GRID2: variants seen among roughly 807,000 people sequenced by gnomAD.
GRID2 encodes the protein glutamate ionotropic receptor delta type subunit 2.
GRID2 carries 33 observed loss-of-function variants against 114.8 expected under a neutral mutation model. The observed-to-expected ratio is 0.29, with a 90% CI of 0.22 to 0.38. The LOEUF is 0.38. Ranked by LOEUF, GRID2 falls within the 10% of genes least tolerant of loss-of-function variation. The pLI is 1.00. For synonymous variants in GRID2, 505 were observed against 449.9 expected, an observed-to-expected ratio of 1.12 and a Z score of -1.55; for missense variants, 1,184 against 1,257.7, an observed-to-expected ratio of 0.94 and a Z score of 0.89.
At chr4:92,316,296 C>T (rs1725977412) in intron 1 of GRID2, among the ~76,000 whole-genome samples, 1 of 152,156 alleles carries the variant, frequency 6.6e-6, no homozygotes, top group South Asian at 2.1e-4. Context: ...TTATACATTT[C>T]TTCTTAAATG....
At chr4:92,488,595 T>C (rs1212244498) in intron 1 of GRID2, among the ~76,000 whole-genome samples, 1 of 152,148 alleles carries the variant, frequency 6.6e-6, no homozygotes, top group African/African-American at 2.4e-5. Context: ...AAAATTCCAC[T>C]GCTTCTGAGG....
chr4:93,323,173 G>A (rs1191881618), intron 8 of GRID2, among the ~76,000 whole-genome samples: 1 of 152,112 alleles, frequency 6.6e-6, no homozygotes, highest in Non-Finnish European at 1.5e-5. Flanking sequence ...GGTTTTTATG[G>A]TTTTAGGTCT....
chr4:93,650,494 G>A (rs1196011933), intron 14 of GRID2, among the ~76,000 whole-genome samples: 8 of 151,936 alleles, frequency 5.3e-5, no homozygotes, highest in Admixed American at 5.2e-4. Context: ...CAAAATTACT[G>A]TGCAAAGATT....
At chr4:92,862,802 T>A (rs1744617594) in intron 2 of GRID2, among the ~76,000 whole-genome samples, 1 of 152,096 alleles carries the variant, frequency 6.6e-6, no homozygotes, top group South Asian at 2.1e-4. Flanking sequence ...ATTATTTAGA[T>A]AGTAACTGCA....
At chr4:92,460,032 CTATATA>C (rs373743453) in intron 1 of GRID2, among the ~76,000 whole-genome samples, 9,599 of 48,488 alleles carry the variant, frequency 0.2, 1,835 homozygotes, top group Non-Finnish European at 0.23. Flanking sequence ...ATAAATCTCA[CTATATA>C]TATATATATA....
intron 13 of GRID2, among the ~76,000 whole-genome samples, chr4:93,607,693 A>G (rs539558363): frequency 1.3e-5 from 2 of 152,236 alleles, no homozygotes; most frequent in South Asian, 2.1e-4. Flanking sequence ...TCCACCAGCA[A>G]TAGATATTAA....
chr4:93,598,762 C>T (rs1388455236), intron 13 of GRID2, among the ~76,000 whole-genome samples: 1 of 152,076 alleles, frequency 6.6e-6, no homozygotes, highest in African/African-American at 2.4e-5. Flanking sequence ...TTTCTTTATC[C>T]TCTTTCATAG....
At chr4:93,394,575 T>C (rs892431291) in intron 8 of GRID2, among the ~76,000 whole-genome samples, 4 of 151,782 alleles carry the variant, frequency 2.6e-5, no homozygotes, top group Non-Finnish European at 4.4e-5. Flanking sequence ...AAGAAATAAA[T>C]CACAATCATC....
intron 9 of GRID2, among the ~76,000 whole-genome samples, chr4:93,407,958 A>G (rs926599896): frequency 3.3e-5 from 5 of 152,122 alleles, no homozygotes; most frequent in Admixed American, 3.3e-4. Context: ...TATTTTCCCA[A>G]TGATTCTTAT....
At chr4:93,327,948 A>G (rs887302346) in intron 8 of GRID2, among the ~76,000 whole-genome samples, 4 of 152,116 alleles carry the variant, frequency 2.6e-5, no homozygotes, top group Admixed American at 2.0e-4. Context: ...CTGTGCTTCA[A>G]TAATAGGTTA....
At chr4:93,242,262 T>G (rs377589270) in intron 8 of GRID2, among the ~76,000 whole-genome samples, 4 of 151,870 alleles carry the variant, frequency 2.6e-5, no homozygotes, top group African/African-American at 9.7e-5. Flanking sequence ...AGTTTCGAAA[T>G]AGCTGCTGTG....
chr4:93,048,583 A>G (rs1726390412), intron 2 of GRID2, among the ~76,000 whole-genome samples: 1 of 152,048 alleles, frequency 6.6e-6, no homozygotes, highest in South Asian at 2.1e-4. Flanking sequence ...CCTTCGCCCC[A>G]AACCCCCATA....
chr4:93,461,174 T>C (rs1723707270), intron 11 of GRID2, among the ~76,000 whole-genome samples: 1 of 152,178 alleles, frequency 6.6e-6, no homozygotes, highest in Non-Finnish European at 1.5e-5. Flanking sequence ...TGTACATTTA[T>C]ACAAATTTAT....
chr4:92,305,178 G>T (rs1260127568), intron 1 of GRID2, among the ~76,000 whole-genome samples: 3 of 152,176 alleles, frequency 2.0e-5, no homozygotes, highest in Non-Finnish European at 4.4e-5. Flanking sequence ...ACTGGGCTGG[G>T]GGGTAGGGGG....
At chr4:92,920,220 T>C (rs931441833) in intron 2 of GRID2, among the ~76,000 whole-genome samples, 3 of 152,190 alleles carry the variant, frequency 2.0e-5, no homozygotes, top group Non-Finnish European at 4.4e-5. Flanking sequence ...CTCCATCCCT[T>C]TATTTTGAGC....
chr4:92,512,483 G>A (rs1724302146), intron 1 of GRID2, among the ~76,000 whole-genome samples: 1 of 151,826 alleles, frequency 6.6e-6, no homozygotes, highest in Admixed American at 6.6e-5. Flanking sequence ...GAAAAGAGAT[G>A]AATTATTTGT....
intron 9 of GRID2, among the ~76,000 whole-genome samples, chr4:93,400,310 C>T (rs1485011): frequency 6.6e-6 from 1 of 152,048 alleles, no homozygotes; most frequent in Non-Finnish European, 1.5e-5. Flanking sequence ...AGAAATATGT[C>T]TTAGAAATGG....
intron 14 of GRID2, among the ~76,000 whole-genome samples, chr4:93,638,075 C>T (rs138862870): frequency 1.8e-3 from 269 of 152,130 alleles, no homozygotes; most frequent in African/African-American, 5.9e-3. Flanking sequence ...TAAGCTCTAA[C>T]GATTTCTGTC....
intron 2 of GRID2, among the ~76,000 whole-genome samples, chr4:93,060,125 T>C (rs1480834283): frequency 6.6e-6 from 1 of 152,132 alleles, no homozygotes; most frequent in African/African-American, 2.4e-5. Context: ...CATGAAATGC[T>C]GTCGTTTACT....
Sources: allele counts gnomAD v4.1 joint callset (sites outside exome capture counted in the v4.1 genomes callset), GRCh38; gene constraint gnomAD v4.1.1; transcripts MANE v1.5; gene names NCBI Gene and HGNC (gene_info 2026-07-23, HGNC 2026-07-21).